The following ELOVL7 variants were observed in gnomAD, a reference collection of about 807,000 sequenced individuals.
ELOVL7 encodes the protein very long chain fatty acid elongase 7.
A neutral mutation model predicts 35.7 loss-of-function variants in ELOVL7; 27 were observed. That is an observed-to-expected ratio of 0.76 (90% CI 0.56 to 1.04). The LOEUF is 1.04. Ranked by LOEUF, ELOVL7 falls within the 50% of genes least tolerant of loss-of-function variation. The probability of loss-of-function intolerance (pLI) is 0.00; values close to 1 mark genes in which losing one functional copy is unlikely to be tolerated. For missense variants in ELOVL7, 327 were observed against 340.8 expected, an observed-to-expected ratio of 0.96 and a Z score of 0.32; for synonymous variants, 113 against 114.6, an observed-to-expected ratio of 0.99 and a Z score of 0.09.
rs1466460542 is a variant in ELOVL7 at position 60,752,969 on chromosome 5, T to C, written c.*1655A>G. 1 of 151,744 alleles carries C rather than the reference T, an allele frequency of 6.6e-6. No individual in the cohort carries two copies. The highest frequency in any genetic ancestry group is 1.5e-5 in the Non-Finnish European group (1 of 67,946). 9.4% of individuals were successfully genotyped at this position (151,744 alleles called of 1,614,324 possible). ...AGAAAAAAAAATAATAAATTATATA[T>C]ATATATGTAATTACTCCCATTTATC... On this transcript the variant is annotated 3_prime_UTR_variant, in exon 9 of 9. Transcript: ENST00000508821.
Position 60,753,750 on chromosome 5 carries a change from G to C in ELOVL7, c.*874C>G, listed in dbSNP as rs13358053. ...AATAATTTAAACCATGACAATGTAA[G>C]AAAGTGATGTGATACTATAACAGAC... On this transcript the variant is annotated 3_prime_UTR_variant, in exon 9 of 9. Transcript: ENST00000508821. The C allele has an allele frequency of 0.17, 25,196 of 152,136 alleles. 2,229 individuals are homozygous for C. The highest frequency in any genetic ancestry group is 0.3 in the South Asian group (1,452 of 4,818). The allele number at this position is 152,136 out of a possible 1,614,324, so 9.4% of individuals were successfully genotyped here.
chr5:60,799,350 A>G (rs1055132813), intron 1 of ELOVL7, 120 bp from the exon 2 acceptor site: 4 of 152,128 alleles, frequency 2.6e-5, no homozygotes, highest in Non-Finnish European at 5.9e-5. Context: ...GTAGAAATAA[A>G]GGAAATAAAG....
chr5:60,761,725 C>T (rs559139966), intron 7 of ELOVL7, among the ~76,000 whole-genome samples: 324 of 152,074 alleles, frequency 2.1e-3, no homozygotes, highest in African/African-American at 7.5e-3. Flanking sequence ...TGTTTGAATT[C>T]ATAAAAATAG....
intron 2 of ELOVL7, among the ~76,000 whole-genome samples, chr5:60,797,264 C>G (rs1337773591): frequency 2.0e-5 from 3 of 152,136 alleles, no homozygotes; most frequent in Admixed American, 1.3e-4. Context: ...GTCCATTCCA[C>G]CTATTACACA....
intron 1 of ELOVL7, among the ~76,000 whole-genome samples, chr5:60,831,466 C>CCATA (rs1477979564): frequency 6.6e-6 from 1 of 152,162 alleles, no homozygotes; most frequent in African/African-American, 2.4e-5. Context: ...TGAAGTCCAT[C>CCATA]CATAGACCAG....
At chr5:60,764,191 G>A in intron 7 of ELOVL7, 36 bp downstream of exon 7, 1 of 1,398,878 alleles carries the variant, frequency 7.1e-7, no homozygotes, top group Non-Finnish European at 1.0e-6. Context: ...TAGAAATGTT[G>A]TTTATAACAC....
chr5:60,792,954 C>T (rs1014535682), intron 2 of ELOVL7, among the ~76,000 whole-genome samples: 2 of 152,150 alleles, frequency 1.3e-5, no homozygotes, highest in Non-Finnish European at 1.5e-5. Flanking sequence ...CGAGGTCTGA[C>T]CATGGCTGGC....
chr5:60,821,649 T>C (rs1457029939), intron 1 of ELOVL7, among the ~76,000 whole-genome samples: 1 of 152,232 alleles, frequency 6.6e-6, no homozygotes, highest in Non-Finnish European at 1.5e-5. Context: ...TCCCCTCTTC[T>C]ACCATGGCAT....
intron 3 of ELOVL7, chr5:60,786,020 T>C (rs1360622053): frequency 6.6e-6 from 1 of 152,220 alleles, no homozygotes; most frequent in African/African-American, 2.4e-5. Flanking sequence ...TTTGGTAGAC[T>C]TGCAATTTCT....
chr5:60,759,670 G>A (rs1327894105), intron 7 of ELOVL7, among the ~76,000 whole-genome samples: 2 of 150,504 alleles, frequency 1.3e-5, no homozygotes, highest in African/African-American at 2.5e-5. Context: ...TAAGTTTTAG[G>A]GTACATGTGC....
rs1427541775 is a variant in ELOVL7, at chr5:60,836,708, ACAAGCGTGCTATTAGGAC to A, written c.-86+7434_-86+7451del. Among the ~76,000 whole-genome samples, 3 of 152,006 alleles carry A rather than the reference ACAAGCGTGCTATTAGGAC, an allele frequency of 2.0e-5. No homozygotes were observed. The East Asian group carries it at 5.8e-4, about 29-fold the overall frequency. On this transcript the variant is annotated intron_variant, in intron 1 of 8. Coordinates refer to ENST00000508821, the MANE Select transcript of ELOVL7 (RefSeq NM_024930.3). ...ATTAAAATAAACACACAAACAAATC[ACAAGCGTGCTATTAGGAC>A]AAAACCCAAAAATTTGGGACAGAAA...
Position 60,754,686 on chromosome 5 carries a change from T to G in ELOVL7, c.784A>C (p.Thr262Pro). Reference protein sequence around the residue: ...LFLHFWYRAYTKGQRLPKTVK... With the variant: ...LFLHFWYRAYPKGQRLPKTVK... Reference sequence around the variant, plus strand: ...GTTTTGGGCAACCTCTGACCTTTGGTGTAAGCACGGTACCAAAAATGGAGA... The same window carrying G: ...GTTTTGGGCAACCTCTGACCTTTGGGGTAAGCACGGTACCAAAAATGGAGA... Residue 262 changes from threonine (T) to proline (P), a missense_variant, in exon 9 of 9, where the codon ACC (threonine) becomes CCC (proline). Thr to Pro is a conservative substitution (Grantham distance 38). Transcript: ENST00000508821. 2 of 1,614,160 alleles carry G rather than the reference T, an allele frequency of 1.2e-6. No homozygotes were observed. Among genetic ancestry groups the G allele is most frequent in the African/African-American group, 1.3e-5 (1 of 75,046 alleles).
intron 4 of ELOVL7, chr5:60,768,748 G>C: frequency 2.2e-6 from 1 of 454,438 alleles, no homozygotes; most frequent in African/African-American, 2.0e-5. Context: ...GAAATTGTTG[G>C]CTTAATTTAG....
intron 1 of ELOVL7, among the ~76,000 whole-genome samples, chr5:60,826,033 T>C (rs1233903979): frequency 2.0e-5 from 3 of 152,210 alleles, no homozygotes; most frequent in African/African-American, 2.4e-5. Context: ...ATGAATCCTA[T>C]AGAGAGCAAA....
intron 8 of ELOVL7, among the ~76,000 whole-genome samples, chr5:60,755,512 C>G (rs1418774733): frequency 6.6e-6 from 1 of 152,160 alleles, no homozygotes; most frequent in East Asian, 1.9e-4. Flanking sequence ...CAAAAATTAG[C>G]CGGGCGCAGT....
chr5:60,754,811 A>T lies in ELOVL7; in HGVS notation c.659T>A (p.Ile220Asn). The T allele has an allele frequency of 6.2e-7, 1 of 1,614,124 alleles. No homozygotes were observed. The highest frequency in any genetic ancestry group is 8.5e-7 in the Non-Finnish European group (1 of 1,180,004). The change falls in exon 9 of 9, where the codon ATC becomes AAC. Residue 220 changes from isoleucine to asparagine, a missense_variant. Physicochemically the swap from Ile to Asn is moderately radical, Grantham distance 149 (BLOSUM62 -3). Coordinates refer to ENST00000508821, the MANE Select transcript of ELOVL7 (RefSeq NM_024930.3). ...CATGAAAAAGAACTGGCTTATGTGGATGGCGACAATAACAAACTGGACCTA... is the reference window on the plus strand; with the variant it reads ...CATGAAAAAGAACTGGCTTATGTGGTTGGCGACAATAACAAACTGGACCTA... Reference protein sequence around the residue: ...LQLVQFVIVAIHISQFFFMED... With the variant: ...LQLVQFVIVANHISQFFFMED...
intron 3 of ELOVL7, among the ~76,000 whole-genome samples, chr5:60,779,586 C>T (rs555364948): frequency 6.6e-6 from 1 of 152,228 alleles, no homozygotes; most frequent in Non-Finnish European, 1.5e-5. Flanking sequence ...GCATCAAGTC[C>T]CTAGGCTGCA....
chr5:60,764,372 T>G, intron 6 of ELOVL7, 40 bp from the exon 7 acceptor site: 1 of 1,431,668 alleles, frequency 7.0e-7, no homozygotes, highest in African/African-American at 1.4e-5. Context: ...CAGAAAATCA[T>G]TTGATAGTGT....
intron 2 of ELOVL7, 62 bp from the exon 3 acceptor site, chr5:60,787,493 T>C (rs1447812191): frequency 5.5e-6 from 5 of 906,412 alleles, no homozygotes; most frequent in African/African-American, 3.5e-5. Context: ...GTCAAGCTTA[T>C]AGTAATACAT....
Sources: allele counts gnomAD v4.1 joint callset (sites outside exome capture counted in the v4.1 genomes callset), GRCh38; gene constraint gnomAD v4.1.1; transcripts MANE v1.5; gene names NCBI Gene and HGNC (gene_info 2026-07-23, HGNC 2026-07-21).